DLEU7: variants seen among roughly 807,000 people sequenced by gnomAD.
DLEU7 encodes leukemia-associated protein 7.
DLEU7 carries 17 observed loss-of-function variants against 16.0 expected under a neutral mutation model. The observed-to-expected ratio is 1.06, with a 90% CI of 0.73 to 1.59. The LOEUF (loss-of-function observed/expected upper bound fraction) is 1.59, where lower values mean the gene tolerates loss of function less well. DLEU7 is among the 40% of genes most tolerant of loss of function. DLEU7 has a pLI of 0.00. For missense variants in DLEU7, 308 were observed against 314.9 expected (o/e 0.98, Z 0.17); for synonymous variants, 113 against 139.8 (o/e 0.81, Z 1.35).
At position 50,823,277 on chromosome 13, in the gene DLEU7, G is replaced by T. The variant is rs1349399386; in HGVS notation, c.*37C>A. On this transcript the variant is annotated 3_prime_UTR_variant, in exon 2 of 2. Transcript: ENST00000504404. ...GGTAAGGTATCTGGTTCTCTTAACA[G>T]TGCTGGCTGTGGTTTTACTCCCGAT... 6.5e-7 allele frequency: 1 copy of T among 1,533,540 alleles called. No individual in the cohort carries two copies. The highest frequency in any genetic ancestry group is 8.7e-7 in the Non-Finnish European group (1 of 1,144,902). The allele number at this position is 1,533,540 out of a possible 1,614,324, so 95.0% of individuals were successfully genotyped here.
intron 1 of DLEU7, among the ~76,000 whole-genome samples, chr13:50,742,568 G>A (rs1874281347): frequency 6.6e-6 from 1 of 152,126 alleles, no homozygotes. Flanking sequence ...TTGCAGCCCT[G>A]TTTTCTTTAT....
intron 1 of DLEU7, among the ~76,000 whole-genome samples, chr13:50,767,181 C>G (rs570375472): frequency 6.6e-6 from 1 of 152,138 alleles, no homozygotes; most frequent in South Asian, 2.1e-4. Context: ...CGTGGCCGGG[C>G]GCGGTGGCTC....
intron 1 of DLEU7, among the ~76,000 whole-genome samples, chr13:50,745,355 A>ATAGTCAGATTTT (rs1403636560): frequency 6.6e-6 from 1 of 152,198 alleles, no homozygotes; most frequent in East Asian, 1.9e-4. Context: ...GGAAGTTAAC[A>ATAGTCAGATTTT]TAGTCAGATT....
chr13:50,842,357 C>T (rs75901803), intron 1 of DLEU7, among the ~76,000 whole-genome samples: 195 of 152,314 alleles, frequency 1.3e-3, no homozygotes, highest in African/African-American at 4.2e-3. Context: ...CAGCAATGCT[C>T]CTGGTCAAAA....
At chr13:50,829,786 G>T (rs1201083894) in intron 1 of DLEU7, among the ~76,000 whole-genome samples, 2 of 152,150 alleles carry the variant, frequency 1.3e-5, no homozygotes, top group Non-Finnish European at 2.9e-5. Context: ...AATAAAACAG[G>T]TGTGTGCTTC....
intron 1 of DLEU7, among the ~76,000 whole-genome samples, chr13:50,757,141 G>C (rs1874788070): frequency 6.6e-6 from 1 of 152,156 alleles, no homozygotes; most frequent in South Asian, 2.1e-4. Context: ...AGGATTTCTG[G>C]TTTATTCTTG....
At chr13:50,779,950 C>T (rs938890740) in intron 1 of DLEU7, among the ~76,000 whole-genome samples, 4 of 151,980 alleles carry the variant, frequency 2.6e-5, no homozygotes, top group African/African-American at 9.7e-5. Flanking sequence ...TTGAAGAATG[C>T]CCTATTAAGC....
intron 1 of DLEU7, among the ~76,000 whole-genome samples, chr13:50,795,454 C>T (rs937963383): frequency 2.0e-5 from 3 of 152,174 alleles, no homozygotes; most frequent in Non-Finnish European, 4.4e-5. Context: ...TGGTTCTCTT[C>T]ATTCCAGCAA....
chr13:50,792,731 C>T (rs1287181187), intron 1 of DLEU7, among the ~76,000 whole-genome samples: 1 of 149,476 alleles, frequency 6.7e-6, no homozygotes, highest in South Asian at 2.2e-4. Flanking sequence ...TGGGTCCGCA[C>T]TCAAATATCA....
chr13:50,740,446 G>A (rs565627761), intron 1 of DLEU7, among the ~76,000 whole-genome samples: 3 of 152,216 alleles, frequency 2.0e-5, no homozygotes, highest in Admixed American at 2.0e-4. Context: ...CATAAAATTA[G>A]GATATTAGAC....
intron 1 of DLEU7, among the ~76,000 whole-genome samples, chr13:50,728,622 A>G (rs367783012): frequency 2.6e-5 from 4 of 152,082 alleles, no homozygotes; most frequent in African/African-American, 9.7e-5. Flanking sequence ...GGGAAAGTGC[A>G]TCATAGGAAC....
chr13:50,733,746 A>G (rs1399211368), intron 1 of DLEU7, among the ~76,000 whole-genome samples: 4 of 152,208 alleles, frequency 2.6e-5, no homozygotes, highest in Non-Finnish European at 5.9e-5. Context: ...CAAAATAATA[A>G]TAGTAACTTC....
At chr13:50,802,938 T>A (rs1487707873) in intron 1 of DLEU7, among the ~76,000 whole-genome samples, 1 of 152,196 alleles carries the variant, frequency 6.6e-6, no homozygotes, top group Non-Finnish European at 1.5e-5. Context: ...TATTACATAA[T>A]ATATTTTCTT....
At chr13:50,798,859 T>G (rs1335839007) in intron 1 of DLEU7, among the ~76,000 whole-genome samples, 1 of 152,162 alleles carries the variant, frequency 6.6e-6, no homozygotes, top group African/African-American at 2.4e-5. Context: ...CCCTAGCTCT[T>G]GGGACCCACT....
At chr13:50,739,921 AT>A (rs981861292) in intron 1 of DLEU7, among the ~76,000 whole-genome samples, 36 of 150,392 alleles carry the variant, frequency 2.4e-4, no homozygotes, top group South Asian at 1.3e-3. Context: ...AGATGCCTAG[AT>A]TTTTTTTTTA....
intron 1 of DLEU7, 69 bp from the exon 2 acceptor site, chr13:50,823,589 A>C: frequency 6.7e-7 from 1 of 1,501,920 alleles, no homozygotes; most frequent in South Asian, 1.2e-5. Context: ...TACTTTGCTT[A>C]CCCAGCTTCC....
chr13:50,764,975 T>C (rs1176719116), intron 1 of DLEU7, among the ~76,000 whole-genome samples: 1 of 152,128 alleles, frequency 6.6e-6, no homozygotes, highest in African/African-American at 2.4e-5. Flanking sequence ...TTCTGCATCC[T>C]GTGTTCAAGC....
At chr13:50,813,370 T>C (rs1407620349) in intron 1 of DLEU7, among the ~76,000 whole-genome samples, 1 of 152,158 alleles carries the variant, frequency 6.6e-6, no homozygotes, top group Non-Finnish European at 1.5e-5. Flanking sequence ...GTGATAACCC[T>C]GGAATTATAT....
chr13:50,738,548 T>A (rs912589935), intron 1 of DLEU7, among the ~76,000 whole-genome samples: 1 of 152,112 alleles, frequency 6.6e-6, no homozygotes, highest in Non-Finnish European at 1.5e-5. Flanking sequence ...TGTCATGGAA[T>A]TGGAAAAAGT....
Sources: gnomAD v4.1 joint callset for allele counts (sites outside exome capture counted in the v4.1 genomes callset) on GRCh38, gnomAD v4.1.1 for gene constraint, MANE v1.5 for transcripts, NCBI Gene and HGNC (gene_info 2026-07-23, HGNC 2026-07-21) for gene names.